EPHB1: variants seen among roughly 807,000 people sequenced by gnomAD.
EPHB1 encodes the protein EPH receptor B1, also known as ephrin type-B receptor 1.
A neutral mutation model predicts 94.4 loss-of-function variants in EPHB1; 30 were observed. The observed-to-expected ratio is 0.32, with a 90% CI of 0.24 to 0.43. The LOEUF is 0.43. Ranked by LOEUF, EPHB1 falls within the 20% of genes least tolerant of loss-of-function variation. The pLI is 1.00. For missense variants in EPHB1, 1,055 were observed against 1,308.3 expected (o/e 0.81, Z 2.99); for synonymous variants, 522 against 489.1 (o/e 1.07, Z -0.89).
At chr3:135,068,790 A>G (rs1937621350) in intron 3 of EPHB1, among the ~76,000 whole-genome samples, 1 of 151,644 alleles carries the variant, frequency 6.6e-6, no homozygotes, top group South Asian at 2.1e-4. Context: ...CTGGGACTAC[A>G]GGTGCCTGCC....
intron 3 of EPHB1, among the ~76,000 whole-genome samples, chr3:134,998,269 G>A (rs766162384): frequency 1.3e-5 from 2 of 152,166 alleles, no homozygotes; most frequent in African/African-American, 2.4e-5. Context: ...TTCTCAGAAG[G>A]CATTGCACCA....
At chr3:135,227,743 T>TA (rs1312915423) in intron 12 of EPHB1, among the ~76,000 whole-genome samples, 1 of 152,170 alleles carries the variant, frequency 6.6e-6, no homozygotes, top group East Asian at 1.9e-4. Flanking sequence ...ACATTAATTT[T>TA]AAAAAAATAA....
intron 12 of EPHB1, among the ~76,000 whole-genome samples, chr3:135,235,933 C>T (rs1385463518): frequency 6.6e-6 from 1 of 152,160 alleles, no homozygotes; most frequent in Non-Finnish European, 1.5e-5. Context: ...TGGAGCTATC[C>T]CTCACTCCCA....
chr3:135,015,006 G>T (rs1472105657), intron 3 of EPHB1, among the ~76,000 whole-genome samples: 1 of 152,128 alleles, frequency 6.6e-6, no homozygotes, highest in African/African-American at 2.4e-5. Context: ...AGGACCCTGG[G>T]CTGCAGGTGT....
rs531915417 is a variant in EPHB1 at position 134,809,276 on chromosome 3, A to G, written c.58+13587A>G. On this transcript the variant is annotated intron_variant, in intron 1 of 15. Transcript: ENST00000398015. ...AGAGAGAGTGATCTAAAATGTACTT[A>G]GAGTTTATCAGAAGAAGGCTCCATT... Among the ~76,000 whole-genome samples the G allele has an allele frequency of 7.2e-5, 11 of 152,318 alleles. No homozygotes were observed. In the South Asian group the frequency reaches 2.3e-3, roughly 32 times the overall value.
At chr3:135,173,620 G>A (rs896744837) in intron 9 of EPHB1, among the ~76,000 whole-genome samples, 1 of 152,090 alleles carries the variant, frequency 6.6e-6, no homozygotes, top group Non-Finnish European at 1.5e-5. Flanking sequence ...CTCAGAGGTC[G>A]GTGGGGCAGA....
rs2107736253 is a variant in EPHB1, at chr3:135,258,957, T to C, written c.2847-55T>C. Reference sequence around the variant, plus strand: ...ATGGCTTTAGTGATGAGTTTTGATCTGCGAAAAGCTAACCTAACACTAAAG... The same window carrying C: ...ATGGCTTTAGTGATGAGTTTTGATCCGCGAAAAGCTAACCTAACACTAAAG... On this transcript the variant is annotated intron_variant, in intron 15 of 15. Transcript: ENST00000398015. The C allele has an allele frequency of 2.9e-6, 4 of 1,376,870 alleles. No homozygotes were observed. The East Asian group carries it at 7.4e-5, about 25-fold the overall frequency. The allele number at this position is 1,376,870 out of a possible 1,614,324, so 85.3% of individuals were successfully genotyped here.
At chr3:134,985,876 C>T (rs1179871007) in intron 3 of EPHB1, among the ~76,000 whole-genome samples, 1 of 152,126 alleles carries the variant, frequency 6.6e-6, no homozygotes, top group Non-Finnish European at 1.5e-5. Flanking sequence ...ATTCTGAGAT[C>T]AGTACAGTTT....
At chr3:135,053,188 TA>T (rs60861570) in intron 3 of EPHB1, among the ~76,000 whole-genome samples, 149,851 of 150,098 alleles carry the variant, frequency 1, 74,803 homozygotes, top group Non-Finnish European at 1. Flanking sequence ...GATTAACATT[TA>T]AAAAAAAGTC....
At chr3:135,091,655 G>A (rs989876205) in intron 3 of EPHB1, among the ~76,000 whole-genome samples, 3 of 152,198 alleles carry the variant, frequency 2.0e-5, no homozygotes, top group African/African-American at 7.2e-5. Flanking sequence ...AGGAACAATA[G>A]CAAGCTTCCC....
chr3:135,248,623 G>A, intron 14 of EPHB1, 114 bp downstream of exon 14: 1 of 1,061,720 alleles, frequency 9.4e-7, no homozygotes, highest in Non-Finnish European at 1.3e-6. Context: ...TCTAGTTGCA[G>A]TGTGGGCCTT....
chr3:135,101,930 C>T (rs1328268028), intron 3 of EPHB1, among the ~76,000 whole-genome samples: 1 of 152,138 alleles, frequency 6.6e-6, no homozygotes, highest in East Asian at 1.9e-4. Flanking sequence ...TTCCATTGTC[C>T]ACCTCCCTCA....
intron 1 of EPHB1, among the ~76,000 whole-genome samples, chr3:134,912,569 G>A (rs755707905): frequency 6.6e-6 from 1 of 152,176 alleles, no homozygotes; most frequent in Non-Finnish European, 1.5e-5. Flanking sequence ...TTGGCAGAAG[G>A]GTATGCTCTG....
At chr3:134,948,935 G>A (rs1352726498) in intron 2 of EPHB1, among the ~76,000 whole-genome samples, 3 of 152,236 alleles carry the variant, frequency 2.0e-5, no homozygotes, top group Non-Finnish European at 4.4e-5. Context: ...AGAACAAAAA[G>A]CCATCCTAGG....
intron 4 of EPHB1, among the ~76,000 whole-genome samples, chr3:135,112,459 T>C (rs557635088): frequency 2.6e-5 from 4 of 152,170 alleles, no homozygotes; most frequent in South Asian, 4.2e-4. Context: ...TTGTTACATA[T>C]ACATGTGCCA....
chr3:134,932,299 G>A (rs138295773), intron 2 of EPHB1, among the ~76,000 whole-genome samples: 9 of 152,108 alleles, frequency 5.9e-5, no homozygotes, highest in East Asian at 1.9e-4. Flanking sequence ...TTATGTGTGC[G>A]CTGTCTAGGC....
At chr3:135,087,624 C>T (rs1376433456) in intron 3 of EPHB1, among the ~76,000 whole-genome samples, 1 of 152,048 alleles carries the variant, frequency 6.6e-6, no homozygotes, top group Non-Finnish European at 1.5e-5. Context: ...TAGTCGGCTC[C>T]TCTAGCAAAT....
chr3:134,942,018 G>A (rs1448229164), intron 2 of EPHB1, among the ~76,000 whole-genome samples: 1 of 152,180 alleles, frequency 6.6e-6, no homozygotes, highest in African/African-American at 2.4e-5. Flanking sequence ...CTTATCTCAA[G>A]GACAGGTGAT....
chr3:134,814,058 A>T (rs2036223355), intron 1 of EPHB1, among the ~76,000 whole-genome samples: 1 of 152,168 alleles, frequency 6.6e-6, no homozygotes, highest in Admixed American at 6.5e-5. Flanking sequence ...TAAATGATGG[A>T]TGGATGGACT....
Sources: gnomAD v4.1 joint callset for allele counts (sites outside exome capture counted in the v4.1 genomes callset) on GRCh38, gnomAD v4.1.1 for gene constraint, MANE v1.5 for transcripts, NCBI Gene and HGNC (gene_info 2026-07-23, HGNC 2026-07-21) for gene names.